Variants in MAF observed in about 807,000 individuals in gnomAD.
MAF encodes MAF bZIP transcription factor.
In MAF, 10 loss-of-function variants were observed where a neutral mutation model predicts 22.0. The ratio of observed to expected loss-of-function variants is 0.45; its 90% CI spans 0.28 to 0.77. The LOEUF (loss-of-function observed/expected upper bound fraction) is 0.77. MAF is among the 30% of genes least tolerant of loss of function. The probability of loss-of-function intolerance (pLI) is 0.12; values close to 1 mark genes in which losing one functional copy is unlikely to be tolerated. For synonymous variants in MAF, 337 were observed against 255.8 expected (o/e 1.32, Z -3.03); for missense variants, 544 against 548.4 (o/e 0.99, Z 0.08).
chr16:79,539,929 C>A, the MAF span, among the ~76,000 whole-genome samples: 1 of 151,984 alleles, frequency 6.6e-6, no homozygotes, highest in Non-Finnish European at 1.5e-5. Flanking sequence ...TTTAGCTTTT[C>A]CTATATCCTT....
chr16:79,500,768 A>C, the MAF span, among the ~76,000 whole-genome samples: 5 of 152,182 alleles, frequency 3.3e-5, no homozygotes, highest in Admixed American at 2.0e-4. Flanking sequence ...GTAGAGATGC[A>C]GACTGACTTC....
the MAF span, among the ~76,000 whole-genome samples, chr16:79,210,565 C>T: frequency 6.6e-6 from 1 of 152,144 alleles, no homozygotes; most frequent in African/African-American, 2.4e-5. Flanking sequence ...CTCTTGCAAC[C>T]CCTCTCCCTC....
the MAF span, among the ~76,000 whole-genome samples, chr16:79,526,994 T>A: frequency 6.6e-6 from 1 of 152,248 alleles, no homozygotes; most frequent in Non-Finnish European, 1.5e-5. Flanking sequence ...TTTTTAAGAA[T>A]GACTCATAGA....
At chr16:79,460,056 C>T in the MAF span, among the ~76,000 whole-genome samples, 25 of 152,268 alleles carry the variant, frequency 1.6e-4, no homozygotes, top group Admixed American at 1.0e-3. Context: ...CGTTTTAATA[C>T]GGCTTTTTAT....
the MAF span, among the ~76,000 whole-genome samples, chr16:79,457,657 G>C: frequency 1.3e-5 from 2 of 152,020 alleles, no homozygotes; most frequent in Non-Finnish European, 2.9e-5. Flanking sequence ...AAGAGACAGG[G>C]GTGAGGGGAC....
At chr16:79,294,879 G>A in the MAF span, among the ~76,000 whole-genome samples, 1 of 152,174 alleles carries the variant, frequency 6.6e-6, no homozygotes, top group Non-Finnish European at 1.5e-5. Context: ...CAACTGAACT[G>A]CTCAGCTGGC....
At chr16:79,425,955 C>G in the MAF span, among the ~76,000 whole-genome samples, 5 of 152,172 alleles carry the variant, frequency 3.3e-5, no homozygotes, top group Non-Finnish European at 7.3e-5. Flanking sequence ...GCCTGTAATC[C>G]CAGCACTTTG....
the MAF span, among the ~76,000 whole-genome samples, chr16:79,444,854 C>T: frequency 7.8e-4 from 118 of 152,240 alleles, no homozygotes; most frequent in Middle Eastern, 3.4e-3. Context: ...TGATGAATCA[C>T]ATCTATTAAT....
chr16:79,584,043 T>C (rs1456827311), downstream of MAF, among the ~76,000 whole-genome samples: 2 of 152,142 alleles, frequency 1.3e-5, no homozygotes, highest in Admixed American at 1.3e-4. Flanking sequence ...CTTTTTGAGA[T>C]ACCACTTGGG....
intron 1 of MAF, among the ~76,000 whole-genome samples, chr16:79,588,818 A>C (rs1913018646): frequency 6.6e-6 from 1 of 152,166 alleles, no homozygotes; most frequent in Admixed American, 6.5e-5. Context: ...TCCCAGGAAA[A>C]AATAAATGAA....
the MAF span, among the ~76,000 whole-genome samples, chr16:79,497,612 C>G: frequency 5.3e-5 from 8 of 152,140 alleles, no homozygotes; most frequent in Non-Finnish European, 1.2e-4. Flanking sequence ...CTACAGTGAC[C>G]CCAAGACGAG....
At chr16:79,350,053 A>C in the MAF span, among the ~76,000 whole-genome samples, 1 of 152,176 alleles carries the variant, frequency 6.6e-6, no homozygotes, top group South Asian at 2.1e-4. Flanking sequence ...CCTGAATCAC[A>C]TTATGTATGT....
chr16:79,321,941 A>C, the MAF span, among the ~76,000 whole-genome samples: 1 of 151,326 alleles, frequency 6.6e-6, no homozygotes, highest in Admixed American at 6.6e-5. Context: ...TGTTAAAAAA[A>C]GGTCTTTGGA....
At chr16:79,363,858 G>A in the MAF span, among the ~76,000 whole-genome samples, 2 of 152,138 alleles carry the variant, frequency 1.3e-5, no homozygotes, top group African/African-American at 2.4e-5. Context: ...AGGGTGAATG[G>A]GTGTGATCTA....
chr16:79,275,058 TAA>T, the MAF span, among the ~76,000 whole-genome samples: 1 of 152,284 alleles, frequency 6.6e-6, no homozygotes, highest in Non-Finnish European at 1.5e-5. Flanking sequence ...TCTCTACATC[TAA>T]AAAGAGTAAT....
At chr16:79,404,657 G>A in the MAF span, among the ~76,000 whole-genome samples, 13 of 151,310 alleles carry the variant, frequency 8.6e-5, no homozygotes, top group South Asian at 2.7e-3. Context: ...TTTGCAGCCT[G>A]AATACTACTT....
chr16:79,224,274 A>G, the MAF span, among the ~76,000 whole-genome samples: 2 of 152,342 alleles, frequency 1.3e-5, no homozygotes, highest in Admixed American at 6.5e-5. Flanking sequence ...TGATTCTCGC[A>G]ATAGATGCAG....
the MAF span, among the ~76,000 whole-genome samples, chr16:79,448,735 T>C: frequency 6.6e-6 from 1 of 151,206 alleles, no homozygotes; most frequent in Non-Finnish European, 1.5e-5. Flanking sequence ...TGAAGCATTT[T>C]AAATTAAGTT....
At chr16:79,344,789 A>G in the MAF span, among the ~76,000 whole-genome samples, 1 of 152,194 alleles carries the variant, frequency 6.6e-6, no homozygotes, top group African/African-American at 2.4e-5. Context: ...TTTTTAACAC[A>G]TGCTTCCAAT....
Sources: gnomAD v4.1 joint callset for allele counts (sites outside exome capture counted in the v4.1 genomes callset) on GRCh38, gnomAD v4.1.1 for gene constraint, MANE v1.5 for transcripts, NCBI Gene and HGNC (gene_info 2026-07-23, HGNC 2026-07-21) for gene names.